VCL: variants seen among roughly 807,000 people sequenced by gnomAD.
VCL encodes the protein epididymis luminal protein 114.
A neutral mutation model predicts 125.7 loss-of-function variants in VCL; 47 were observed. The ratio of observed to expected loss-of-function variants is 0.37; its 90% CI spans 0.30 to 0.48. The LOEUF is 0.48. Ranked by LOEUF, VCL falls within the 20% of genes least tolerant of loss-of-function variation. VCL has a pLI of 0.99. For synonymous variants in VCL, 458 were observed against 514.6 expected, an observed-to-expected ratio of 0.89 and a Z score of 1.49; for missense variants, 1,069 against 1,455.5, an observed-to-expected ratio of 0.73 and a Z score of 4.32.
Position 74,095,719 on chromosome 10 carries a change from C to T in VCL, c.1607C>T (p.Pro536Leu). 6.2e-7 allele frequency: 1 copy of T among 1,614,200 alleles called. No homozygotes were observed. Among genetic ancestry groups the T allele is most frequent in the Non-Finnish European group, 8.5e-7 (1 of 1,180,044 alleles). ...GHRLANVMMG[P>L]YRQDLLAKCD... ...CGTCTGGCTAATGTTATGATGGGGC[C>T]TTATCGGCAAGATCTTCTCGCCAAG... Residue 536 changes from proline (P) to leucine (L), a missense_variant, in exon 12 of 22, where the codon CCT (proline) becomes CTT (leucine). Physicochemically the swap from Pro to Leu is moderately conservative, Grantham distance 98. This residue lies in a region of VCL where 760 missense variants were observed against 928.9 expected (regional missense o/e 0.82). Coordinates refer to ENST00000211998, the MANE Select transcript of VCL (RefSeq NM_014000.3).
At chr10:74,113,946 T>C (rs545834776) in intron 19 of VCL, among the ~76,000 whole-genome samples, 1 of 152,166 alleles carries the variant, frequency 6.6e-6, no homozygotes, top group South Asian at 2.1e-4. Flanking sequence ...CCTTTCCCCC[T>C]CCTCTCTCCT....
At chr10:74,099,445 C>G (rs1043649087) in intron 13 of VCL, among the ~76,000 whole-genome samples, 5 of 123,818 alleles carry the variant, frequency 4.0e-5, no homozygotes, top group African/African-American at 3.2e-4. Flanking sequence ...TTCTTTTGCT[C>G]CTACCTATAG....
At chr10:74,077,610 T>A in intron 6 of VCL, 2 of 374,152 alleles carry the variant, frequency 5.3e-6, no homozygotes, top group Non-Finnish European at 1.1e-5. Context: ...TTCTGTTTAA[T>A]GCATACAGTG....
intron 2 of VCL, chr10:74,063,958 C>T (rs1841521817): frequency 6.6e-6 from 1 of 152,104 alleles, no homozygotes; most frequent in South Asian, 2.1e-4. Flanking sequence ...CTGACACTAA[C>T]TATCCAGAGT....
chr10:74,045,087 C>G (rs770740153), intron 2 of VCL, among the ~76,000 whole-genome samples: 1 of 152,068 alleles, frequency 6.6e-6, no homozygotes, highest in Non-Finnish European at 1.5e-5. Context: ...GGGAGGATCA[C>G]CTGAGCTGGG....
chr10:74,070,529 G>A, intron 2 of VCL, 141 bp from the exon 3 acceptor site: 1 of 1,186,996 alleles, frequency 8.4e-7, no homozygotes, highest in Non-Finnish European at 1.2e-6. Flanking sequence ...AAAAACGTAG[G>A]TTCTATTATC....
chr10:74,100,230 CTTTAAG>C (rs748520694), intron 13 of VCL, among the ~76,000 whole-genome samples: 40 of 152,314 alleles, frequency 2.6e-4, no homozygotes, highest in Admixed American at 1.4e-3. Context: ...TCTCTTGCTA[CTTTAAG>C]TTTAATAGTC....
At chr10:74,042,969 C>A in intron 1 of VCL, 114 bp from the exon 2 acceptor site, 1 of 1,113,144 alleles carries the variant, frequency 9.0e-7, no homozygotes, top group Non-Finnish European at 1.3e-6. Context: ...TCCCTTAAAT[C>A]TAGAAACTTT....
chr10:74,098,345 T>C (rs1219824273), intron 13 of VCL, among the ~76,000 whole-genome samples: 2 of 152,212 alleles, frequency 1.3e-5, no homozygotes, highest in Non-Finnish European at 2.9e-5. Flanking sequence ...CATATCCTAC[T>C]TTTTCACTTA....
chr10:74,008,310 C>T (rs1840356557), intron 1 of VCL, among the ~76,000 whole-genome samples: 1 of 152,076 alleles, frequency 6.6e-6, no homozygotes, highest in Non-Finnish European at 1.5e-5. Flanking sequence ...GCTAACTGCC[C>T]ATTGTTTGAG....
chr10:74,043,828 C>T (rs1841143904), intron 2 of VCL, among the ~76,000 whole-genome samples: 1 of 151,764 alleles, frequency 6.6e-6, no homozygotes, highest in South Asian at 2.1e-4. Context: ...ATTGTTTTGG[C>T]CGGGCGTGGT....
chr10:74,062,187 T>C (rs1841492248), intron 2 of VCL, among the ~76,000 whole-genome samples: 2 of 152,072 alleles, frequency 1.3e-5, no homozygotes. Flanking sequence ...CACCTCAGCC[T>C]CCTGAGTAGC....
chr10:74,087,352 T>C lies in VCL; in HGVS notation c.1023-1844T>C, dbSNP rs1220663199. ...TTTTAGGTTTTTCTTTTTTTTTTTT[T>C]TTTCTTTTTTTGAGACGGAGTCTCG... On this transcript the variant is annotated intron_variant, in intron 8 of 21. Coordinates refer to ENST00000211998, the MANE Select transcript of VCL (RefSeq NM_014000.3). Among the ~76,000 whole-genome samples, 28 of 144,026 alleles carry C rather than the reference T, an allele frequency of 1.9e-4. 1 individual carries two copies. In the East Asian group the frequency reaches 5.6e-3, roughly 29 times the overall value. 94.5% of individuals were successfully genotyped at this position (144,026 alleles called of 152,430 possible).
At chr10:74,098,137 C>G (rs868344056) in intron 13 of VCL, among the ~76,000 whole-genome samples, 3 of 152,140 alleles carry the variant, frequency 2.0e-5, no homozygotes, top group Non-Finnish European at 2.9e-5. Flanking sequence ...CTGTATGTAC[C>G]TCCTTGAATT....
rs886038819 is a variant in VCL, at chr10:74,074,851, T to A, written c.731T>A (p.Ile244Lys). 1 of 1,614,162 alleles carries A rather than the reference T, an allele frequency of 6.2e-7. No individual in the cohort carries two copies. Among genetic ancestry groups the A allele is most frequent in the Non-Finnish European group, 8.5e-7 (1 of 1,180,022 alleles). ...AAAATGAGTGCTGAAATTAATGAGA[T>A]AATTCGTGTGTTACAACTCACCTCT... ...VEKMSAEINE[I>K]IRVLQLTSWD... Residue 244 changes from isoleucine (I) to lysine (K), a missense_variant, in exon 6 of 22, where the codon ATA becomes AAA. Ile to Lys is a moderately radical substitution (Grantham distance 102). This residue lies in a region of VCL where 760 missense variants were observed against 928.9 expected (regional missense o/e 0.82). Transcript: ENST00000211998.
intron 8 of VCL, among the ~76,000 whole-genome samples, chr10:74,084,100 C>A (rs1163235686): frequency 6.6e-6 from 1 of 152,000 alleles, no homozygotes; most frequent in East Asian, 1.9e-4. Flanking sequence ...CTCCTGACCT[C>A]GTGATCCACC....
intron 14 of VCL, 61 bp downstream of exon 14, chr10:74,101,158 T>C: frequency 1.3e-6 from 2 of 1,574,846 alleles, no homozygotes; most frequent in East Asian, 4.7e-5. Flanking sequence ...CAGAACAGTT[T>C]CTATACATTT....
intron 14 of VCL, among the ~76,000 whole-genome samples, chr10:74,102,660 T>C (rs1292521222): frequency 6.6e-6 from 1 of 152,244 alleles, no homozygotes; most frequent in African/African-American, 2.4e-5. Context: ...TGTCCAACTT[T>C]TTAACTTGTC....
chr10:74,116,696 A>T (rs552144248), intron 21 of VCL, among the ~76,000 whole-genome samples: 153 of 151,266 alleles, frequency 1.0e-3, no homozygotes, highest in African/African-American at 2.1e-3. Flanking sequence ...CAAAAAAAAA[A>T]AATAATAATA....
Sources: allele counts gnomAD v4.1 joint callset (sites outside exome capture counted in the v4.1 genomes callset), GRCh38; gene constraint gnomAD v4.1.1; regional missense constraint gnomAD v4.1.1; transcripts MANE v1.5; gene names NCBI Gene and HGNC (gene_info 2026-07-23, HGNC 2026-07-21).